TUBGCP4: variants seen among roughly 807,000 people sequenced by gnomAD.
TUBGCP4 encodes gamma-tubulin complex component 4.
A neutral mutation model predicts 91.6 loss-of-function variants in TUBGCP4; 54 were observed. The ratio of observed to expected loss-of-function variants is 0.59; its 90% confidence interval spans 0.47 to 0.74. The LOEUF (loss-of-function observed/expected upper bound fraction) is 0.74. Ranked by LOEUF, TUBGCP4 falls within the 30% of genes least tolerant of loss-of-function variation. TUBGCP4 has a pLI of 0.00. For missense variants in TUBGCP4, 593 were observed against 800.9 expected, an observed-to-expected ratio of 0.74 and a Z score of 3.13; for synonymous variants, 297 against 302.8, an observed-to-expected ratio of 0.98 and a Z score of 0.20.
intron 3 of TUBGCP4, 27 bp downstream of exon 3, chr15:43,376,652 C>A: frequency 6.2e-7 from 1 of 1,613,896 alleles, no homozygotes; most frequent in Non-Finnish European, 8.5e-7. Context: ...ATAGGAAACA[C>A]CTCTGGGACA....
At chr15:43,390,515 CTTTTTT>C (rs201543896) in intron 9 of TUBGCP4, among the ~76,000 whole-genome samples, 1 of 137,030 alleles carries the variant, frequency 7.3e-6, no homozygotes, top group African/African-American at 2.7e-5. Flanking sequence ...TTTCTTTTTT[CTTTTTT>C]TTTTTTTTGA....
intron 9 of TUBGCP4, among the ~76,000 whole-genome samples, chr15:43,387,195 T>C (rs948854295): frequency 7.2e-5 from 11 of 152,254 alleles, no homozygotes; most frequent in Non-Finnish European, 1.6e-4. Flanking sequence ...GCTTGCCTGG[T>C]GTGGCACAGT....
Position 43,404,394 on chromosome 15 carries a change from T to TGA in TUBGCP4, c.1849-17_1849-16dup, listed in dbSNP as rs2142901178. ...TGGTGAGCTGAAGTGGAATGACAGC[T>TGA]GAGTCCTTCTCTCTGCAGGGCTTTA... On this transcript the variant is annotated intron_variant, in intron 16 of 17. Transcript: ENST00000564079. 1.1e-5 allele frequency: 18 copies of TGA among 1,613,888 alleles called. No individual in the cohort carries two copies. Among genetic ancestry groups the TGA allele is most frequent in the Non-Finnish European group, 1.5e-5 (18 of 1,179,850 alleles).
intron 9 of TUBGCP4, among the ~76,000 whole-genome samples, chr15:43,392,037 A>C (rs999535513): frequency 2.6e-5 from 4 of 151,894 alleles, no homozygotes; most frequent in Non-Finnish European, 4.4e-5. Context: ...CCTGGACAAT[A>C]GAGTAAGACT....
At position 43,408,138 on chromosome 15, in the gene TUBGCP4, A is replaced by C; in HGVS notation, c.*2924A>C. 6.3e-7 allele frequency: 1 copy of C among 1,581,224 alleles called. No homozygotes were observed. The highest frequency in any genetic ancestry group is 1.1e-5 in the South Asian group (1 of 87,524). ...TTAGCATGACAAGTAATATCCAACA[A>C]ACTGCCTTTCTGCAAAGGGACTCAT... is the stretch of plus-strand genomic sequence containing the variant. On this transcript the variant is annotated 3_prime_UTR_variant, in exon 18 of 18. Coordinates refer to ENST00000564079, the MANE Select transcript of TUBGCP4 (RefSeq NM_014444.5).
At chr15:43,400,716 GA>G (rs2044661518) in intron 14 of TUBGCP4, among the ~76,000 whole-genome samples, 2 of 152,018 alleles carry the variant, frequency 1.3e-5, no homozygotes. Context: ...AGGAGTTTGA[GA>G]CCAGCCTGGC....
At chr15:43,376,039 G>A in intron 1 of TUBGCP4, 59 bp from the exon 2 acceptor site, 1 of 1,602,496 alleles carries the variant, frequency 6.2e-7, no homozygotes, top group Non-Finnish European at 8.5e-7. Flanking sequence ...AGCGTTTGAA[G>A]CACCTGAAAG....
intron 9 of TUBGCP4, among the ~76,000 whole-genome samples, chr15:43,386,888 T>C (rs753686074): frequency 2.0e-5 from 3 of 152,170 alleles, no homozygotes; most frequent in Non-Finnish European, 2.9e-5. Flanking sequence ...GAGGCAGAAC[T>C]GCCTTCCCAT....
chr15:43,399,074 A>C (rs533626731), intron 13 of TUBGCP4: 1 of 1,193,730 alleles, frequency 8.4e-7, no homozygotes, highest in South Asian at 1.3e-5. Context: ...ATCAGTTTCC[A>C]AACAAGGTCT....
intron 15 of TUBGCP4, chr15:43,403,482 G>A (rs1440491987): frequency 3.8e-6 from 2 of 531,652 alleles, no homozygotes; most frequent in East Asian, 6.4e-5. Context: ...TACTCGCTTA[G>A]CCAGGAAAGG....
At position 43,398,115 on chromosome 15, in the gene TUBGCP4, C is replaced by T; in HGVS notation, c.1354C>T (p.Leu452=). Residue 452 remains leucine, a synonymous_variant, in exon 13 of 18, where the codon CTA becomes TTA. Transcript: ENST00000564079. ...AGCCCCTGCATCTGGCTGGGCAGCC[C>T]TAGGTCTTTCCTACAAAGTACAGTG... The part of the protein sequence containing the change: ...REAPASGWAA[L]GLSYKVQWPL... 1 of 1,614,142 alleles carries T rather than the reference C, an allele frequency of 6.2e-7. No individual in the cohort carries two copies. Among genetic ancestry groups the T allele is most frequent in the East Asian group, 2.2e-5 (1 of 44,884 alleles).
Position 43,383,626 on chromosome 15 carries a change from T to C in TUBGCP4, c.723+122T>C, listed in dbSNP as rs1197687754. 4.0e-6 allele frequency: 3 copies of C among 759,060 alleles called. No individual in the cohort carries two copies. The East Asian group carries it at 8.5e-5, about 22-fold the overall frequency. 47.0% of individuals were successfully genotyped at this position (759,060 alleles called of 1,614,324 possible). On this transcript the variant is annotated intron_variant, in intron 7 of 17. Transcript: ENST00000564079. ...GAGCACCTTCCATCAATCCTTTCGATGTAAACATTCGGCTTTATCTTAACT... is the reference window on the plus strand; with the variant it reads ...GAGCACCTTCCATCAATCCTTTCGACGTAAACATTCGGCTTTATCTTAACT...
At chr15:43,404,384 G>C in intron 16 of TUBGCP4, 29 bp from the exon 17 acceptor site, 2 of 1,613,244 alleles carry the variant, frequency 1.2e-6, no homozygotes, top group Middle Eastern at 1.7e-4. Context: ...AGCTGAAGTG[G>C]AATGACAGCT....
Position 43,405,292 on chromosome 15 carries a change from C to A in TUBGCP4, c.*78C>A, listed in dbSNP as rs1055679436. 1 of 1,511,938 alleles carries A rather than the reference C, an allele frequency of 6.6e-7. No homozygotes were observed. Among genetic ancestry groups the A allele is most frequent in the Non-Finnish European group, 9.2e-7 (1 of 1,088,536 alleles). The allele number at this position is 1,511,938 out of a possible 1,614,324, so 93.7% of individuals were successfully genotyped here. A position where few individuals can be genotyped will look rare whatever the true frequency, so the allele number is the denominator to read the frequency against. On this transcript the variant is annotated 3_prime_UTR_variant, in exon 18 of 18. Transcript: ENST00000564079. ...GAAGATTCAAAACATCCCATTCTAG[C>A]CACACACAAATAAATATCTGCGGCT...
chr15:43,371,573 A>G, intron 1 of TUBGCP4, 141 bp downstream of exon 1: 1 of 833,124 alleles, frequency 1.2e-6, no homozygotes. Context: ...ACTGGAGGGC[A>G]GCCCCTTAGG....
intron 5 of TUBGCP4, among the ~76,000 whole-genome samples, chr15:43,379,533 C>A (rs1055480359): frequency 1.3e-5 from 2 of 150,454 alleles, no homozygotes; most frequent in African/African-American, 4.9e-5. Context: ...TCGCACTACT[C>A]GGGAGGCTGA....
intron 10 of TUBGCP4, 32 bp downstream of exon 10, chr15:43,395,189 G>A (rs1231512122): frequency 3.1e-6 from 5 of 1,612,160 alleles, no homozygotes; most frequent in Non-Finnish European, 4.2e-6. Context: ...TTCTTACGGT[G>A]ATGCTGGTAG....
chr15:43,402,047 C>T (rs566739822), intron 15 of TUBGCP4, 197 bp downstream of exon 15: 16 of 537,910 alleles, frequency 3.0e-5, no homozygotes, highest in East Asian at 1.2e-4. Context: ...CCGAGGTGGG[C>T]GGATCACAAG....
At chr15:43,387,389 A>G (rs1322621156) in intron 9 of TUBGCP4, among the ~76,000 whole-genome samples, 1 of 152,266 alleles carries the variant, frequency 6.6e-6, no homozygotes, top group African/African-American at 2.4e-5. Context: ...TGAGACATTT[A>G]GTCAGCTGTG....
Sources: allele counts gnomAD v4.1 joint callset (sites outside exome capture counted in the v4.1 genomes callset), GRCh38; gene constraint gnomAD v4.1.1; transcripts MANE v1.5; gene names NCBI Gene and HGNC (gene_info 2026-07-23, HGNC 2026-07-21).